Variants in LINGO2 observed in about 807,000 individuals in gnomAD.
The protein encoded by LINGO2 is leucine rich repeat and Ig domain containing 2.
In LINGO2, 14 loss-of-function variants were observed where a neutral mutation model predicts 30.6. The observed-to-expected ratio is 0.46, with a 90% confidence interval of 0.30 to 0.72. The LOEUF is 0.72. LINGO2 is among the 30% of genes least tolerant of loss of function. The pLI is 0.07. For missense variants in LINGO2, 729 were observed against 751.7 expected, an observed-to-expected ratio of 0.97 and a Z score of 0.35; for synonymous variants, 317 against 288.5, an observed-to-expected ratio of 1.10 and a Z score of -1.00.
intron 1 of LINGO2, among the ~76,000 whole-genome samples, chr9:28,541,175 C>A (rs1000333388): frequency 4.6e-5 from 7 of 152,126 alleles, no homozygotes; most frequent in Non-Finnish European, 8.8e-5. Context: ...TATTTCCCAA[C>A]AGAAAACCAT....
At position 28,450,268 on chromosome 9, in the gene LINGO2, T is replaced by C. The variant is rs147172585; in HGVS notation, c.-279+25672A>G. 3.4e-3 allele frequency among the ~76,000 whole-genome samples: 524 copies of C among 152,126 alleles called. 4 individuals are homozygous for C. The highest frequency in any genetic ancestry group is 0.012 in the African/African-American group (482 of 41,552). ...TCCAATCTAAGACCCATCAAACAGATAGGGTATTGGGTCCCGTCAATCTGC... is the reference window on the plus strand; with the variant it reads ...TCCAATCTAAGACCCATCAAACAGACAGGGTATTGGGTCCCGTCAATCTGC... On this transcript the variant is annotated intron_variant, in intron 2 of 5. Transcript: ENST00000379992.
At chr9:28,492,948 A>C (rs971349810) in intron 1 of LINGO2, among the ~76,000 whole-genome samples, 2 of 152,176 alleles carry the variant, frequency 1.3e-5, no homozygotes, top group Non-Finnish European at 2.9e-5. Flanking sequence ...AATTTACAGA[A>C]GTGTTAACCT....
At chr9:28,773,367 A>AC in the LINGO2 span, among the ~76,000 whole-genome samples, 21 of 38,020 alleles carry the variant, frequency 5.5e-4, no homozygotes, top group Middle Eastern at 7.7e-3. Context: ...TCCATCTCAG[A>AC]AAAAAAAAAA....
the LINGO2 span, among the ~76,000 whole-genome samples, chr9:29,116,065 G>C: frequency 6.6e-6 from 1 of 151,982 alleles, no homozygotes; most frequent in Non-Finnish European, 1.5e-5. Flanking sequence ...AAAAATTTGA[G>C]TAGAAATCAG....
At chr9:28,655,383 C>T (rs565398436) in intron 1 of LINGO2, among the ~76,000 whole-genome samples, 13 of 151,998 alleles carry the variant, frequency 8.6e-5, no homozygotes, top group South Asian at 2.1e-4. Flanking sequence ...TTGAATTTAC[C>T]GGCTCATAAG....
chr9:28,083,446 C>T (rs1055596260), intron 4 of LINGO2, among the ~76,000 whole-genome samples: 1 of 152,166 alleles, frequency 6.6e-6, no homozygotes, highest in African/African-American at 2.4e-5. Flanking sequence ...AGGGGTGCTA[C>T]TTCCTCCCCC....
chr9:28,059,017 T>C (rs933993269), intron 4 of LINGO2, among the ~76,000 whole-genome samples: 2 of 152,122 alleles, frequency 1.3e-5, no homozygotes, highest in African/African-American at 4.8e-5. Flanking sequence ...ACAACTTCAA[T>C]TATACCAAGT....
the LINGO2 span, among the ~76,000 whole-genome samples, chr9:28,769,547 C>A: frequency 6.6e-4 from 50 of 76,292 alleles, no homozygotes; most frequent in East Asian, 4.6e-3. Context: ...TTTTTTTTTA[C>A]CTGAATGTCC....
At chr9:28,442,688 G>A (rs192986361) in intron 2 of LINGO2, among the ~76,000 whole-genome samples, 664 of 152,206 alleles carry the variant, frequency 4.4e-3, no homozygotes, top group Admixed American at 7.1e-3. Context: ...ACATTCAGGA[G>A]AGCCAGAGGC....
chr9:27,954,854 C>T (rs7864174), intron 5 of LINGO2, among the ~76,000 whole-genome samples: 84,021 of 151,494 alleles, frequency 0.55, 24,680 homozygotes, highest in East Asian at 0.81. Flanking sequence ...TGTAGTAGTT[C>T]ACATTTACAC....
intron 3 of LINGO2, among the ~76,000 whole-genome samples, chr9:28,342,910 G>A (rs1175827847): frequency 6.6e-6 from 1 of 152,024 alleles, no homozygotes; most frequent in Admixed American, 6.6e-5. Flanking sequence ...TGTTCCTGGT[G>A]ATCAAATCCT....
At chr9:28,332,959 C>T (rs143431469) in intron 3 of LINGO2, among the ~76,000 whole-genome samples, 128 of 152,266 alleles carry the variant, frequency 8.4e-4, no homozygotes, top group African/African-American at 2.9e-3. Context: ...TAAACATCCT[C>T]ACTCCTCAAA....
chr9:28,570,941 T>A (rs1357939976), intron 1 of LINGO2, among the ~76,000 whole-genome samples: 1 of 148,694 alleles, frequency 6.7e-6, no homozygotes, highest in Non-Finnish European at 1.5e-5. Context: ...TAACAACAAA[T>A]CAAGAAAAAA....
chr9:28,390,781 A>C (rs1338449004), intron 2 of LINGO2, among the ~76,000 whole-genome samples: 1 of 152,224 alleles, frequency 6.6e-6, no homozygotes, highest in Non-Finnish European at 1.5e-5. Context: ...CTTCAGAGCT[A>C]AGAATTTTAT....
chr9:27,952,527 A>G (rs1819366101), intron 5 of LINGO2, among the ~76,000 whole-genome samples: 1 of 152,018 alleles, frequency 6.6e-6, no homozygotes, highest in South Asian at 2.1e-4. Context: ...CTGCCATACA[A>G]TGCATTCACA....
chr9:28,665,341 A>T (rs1456656587), intron 1 of LINGO2, among the ~76,000 whole-genome samples: 3 of 152,104 alleles, frequency 2.0e-5, no homozygotes, highest in Admixed American at 6.6e-5. Context: ...ATGCCATTAG[A>T]TTATGTTTAC....
intron 4 of LINGO2, among the ~76,000 whole-genome samples, chr9:28,074,724 T>A (rs1825575044): frequency 6.6e-6 from 1 of 152,132 alleles, no homozygotes. Flanking sequence ...GTGTGTTGAT[T>A]TTTATGTGAT....
chr9:28,744,926 C>T, the LINGO2 span, among the ~76,000 whole-genome samples: 6 of 152,034 alleles, frequency 3.9e-5, no homozygotes, highest in South Asian at 2.1e-4. Context: ...TGAGCCACTG[C>T]GCTGATCCTT....
intron 1 of LINGO2, among the ~76,000 whole-genome samples, chr9:28,639,487 T>C (rs1827463433): frequency 1.3e-5 from 2 of 152,176 alleles, no homozygotes; most frequent in South Asian, 2.1e-4. Context: ...GGACTTGCTT[T>C]ATGAATCTGG....
Sources: allele counts gnomAD v4.1 joint callset (sites outside exome capture counted in the v4.1 genomes callset), GRCh38; gene constraint gnomAD v4.1.1; transcripts MANE v1.5; gene names NCBI Gene and HGNC (gene_info 2026-07-23, HGNC 2026-07-21).